Variants in TRPM7 observed in about 807,000 individuals in gnomAD.
TRPM7 encodes the protein transient receptor potential cation channel subfamily M member 7, also known as LTRPC ion channel family member 7.
A neutral mutation model predicts 229.7 loss-of-function variants in TRPM7; 134 were observed. That is an observed-to-expected ratio of 0.58 (90% CI 0.51 to 0.67). TRPM7 has a LOEUF of 0.67. Among genes scored for constraint, TRPM7 ranks in the 30% least tolerant of loss-of-function variants. The probability of loss-of-function intolerance (pLI) is 0.00; values close to 1 mark genes in which losing one functional copy is unlikely to be tolerated. For missense variants in TRPM7, 1,901 were observed against 2,210.0 expected, an observed-to-expected ratio of 0.86 and a Z score of 2.80; for synonymous variants, 699 against 715.2, an observed-to-expected ratio of 0.98 and a Z score of 0.36.
At chr15:50,650,006 C>A (rs1224974192) in intron 3 of TRPM7, among the ~76,000 whole-genome samples, 1 of 151,648 alleles carries the variant, frequency 6.6e-6, no homozygotes, top group African/African-American at 2.4e-5. Flanking sequence ...ACCATCCTGG[C>A]CAACATGGTG....
chr15:50,672,735 C>A (rs1208146331), intron 1 of TRPM7, among the ~76,000 whole-genome samples: 1 of 151,416 alleles, frequency 6.6e-6, no homozygotes, highest in Non-Finnish European at 1.5e-5. Flanking sequence ...TGTGGTGAAA[C>A]CCCATCACTA....
intron 1 of TRPM7, among the ~76,000 whole-genome samples, chr15:50,677,992 C>T (rs1232239362): frequency 6.6e-6 from 1 of 151,894 alleles, no homozygotes; most frequent in Non-Finnish European, 1.5e-5. Flanking sequence ...ATAATCCCAG[C>T]ACTTTGGGAG....
chr15:50,601,542 T>C (rs1338559602), intron 21 of TRPM7, among the ~76,000 whole-genome samples: 2 of 152,138 alleles, frequency 1.3e-5, no homozygotes, highest in African/African-American at 4.8e-5. Flanking sequence ...CTCGGGAGGC[T>C]GAGGCAGAAG....
rs80080401 is a variant in TRPM7, at chr15:50,560,156, A to C, written c.*1522T>G. On this transcript the variant is annotated 3_prime_UTR_variant, in exon 39 of 39. Coordinates refer to ENST00000646667, the MANE Select transcript of TRPM7 (RefSeq NM_017672.6). ...ATTTCTAAGAAGACAGTAAGAAATC[A>C]GTATTAATTTAAACATTGTACAGGA... 1 of 152,212 alleles carries C rather than the reference A, an allele frequency of 6.6e-6. No individual in the cohort carries two copies. The highest frequency in any genetic ancestry group is 1.5e-5 in the Non-Finnish European group (1 of 68,020). 9.4% of individuals were successfully genotyped at this position (152,212 alleles called of 1,614,324 possible). A position where few individuals can be genotyped will look rare whatever the true frequency, so the allele number is the denominator to read the frequency against.
Position 50,672,292 on chromosome 15 carries a change from G to A in TRPM7, c.4-9246C>T, listed in dbSNP as rs192096555. On this transcript the variant is annotated intron_variant, in intron 1 of 38. Transcript: ENST00000646667. ...GTTCTGGATCTCCTGACCTCGTGAC[G>A]TGATCCGCCCACCTTGGCCTCCCAA... Among the ~76,000 whole-genome samples the A allele has an allele frequency of 6.6e-5, 10 of 151,980 alleles. No homozygotes were observed. The East Asian group carries it at 7.8e-4, about 12-fold the overall frequency.
At chr15:50,612,506 T>C (rs1295575606) in intron 16 of TRPM7, 43 bp downstream of exon 16, 1 of 1,578,052 alleles carries the variant, frequency 6.3e-7, no homozygotes, top group Admixed American at 1.8e-5. Flanking sequence ...CAATACCTAC[T>C]TTGAATTTTT....
At chr15:50,686,458 G>C (rs1176847742) in intron 1 of TRPM7, 73 bp downstream of exon 1, 24 of 1,612,796 alleles carry the variant, frequency 1.5e-5, no homozygotes, top group African/African-American at 4.0e-5. Flanking sequence ...CCACACACTT[G>C]CCTGCCAAGT....
In TRPM7 at chr15:50,593,741, A is replaced by G. The variant is rs1172720686; in HGVS notation, c.3484T>C (p.Leu1162=). ...AGTTTCTTTTGATCTTCTTCTGTTA[A>G]GAAAAGTTCTATGGGAGGAAAAGGA... ...DKTSDGPKLF[L]TEEDQKKLHD... The change falls in exon 25 of 39, where the codon TTA becomes CTA. Residue 1162 remains leucine (L), a synonymous_variant. Coordinates refer to ENST00000646667, the MANE Select transcript of TRPM7 (RefSeq NM_017672.6). The G allele has an allele frequency of 6.2e-7, 1 of 1,608,400 alleles. No homozygotes were observed. The highest frequency in any genetic ancestry group is 8.5e-7 in the Non-Finnish European group (1 of 1,178,556).
intron 1 of TRPM7, among the ~76,000 whole-genome samples, chr15:50,677,266 G>A (rs1467058705): frequency 6.6e-6 from 1 of 151,920 alleles, no homozygotes; most frequent in Non-Finnish European, 1.5e-5. Context: ...ATCAGACCCA[G>A]GGCCCCACCC....
At chr15:50,573,988 C>G (rs1318095782) in intron 36 of TRPM7, among the ~76,000 whole-genome samples, 1 of 146,978 alleles carries the variant, frequency 6.8e-6, no homozygotes, top group Non-Finnish European at 1.5e-5. Context: ...ATCCGGGAGG[C>G]GGAAGTTGCA....
intron 28 of TRPM7, among the ~76,000 whole-genome samples, chr15:50,584,941 T>A (rs1280408260): frequency 1.3e-5 from 2 of 152,160 alleles, no homozygotes; most frequent in Non-Finnish European, 2.9e-5. Context: ...AGTCGCGCTA[T>A]CTTGGCTCAC....
intron 1 of TRPM7, among the ~76,000 whole-genome samples, chr15:50,669,969 G>A (rs1567118383): frequency 6.6e-6 from 1 of 152,150 alleles, no homozygotes; most frequent in Non-Finnish European, 1.5e-5. Context: ...CATTGCTGTT[G>A]TACTCTTTGT....
In TRPM7 at chr15:50,560,459, A is replaced by G. The variant is rs1419582576; in HGVS notation, c.*1219T>C. 6.6e-6 allele frequency: 1 copy of G among 152,580 alleles called. No homozygotes were observed. The highest frequency in any genetic ancestry group is 1.5e-5 in the Non-Finnish European group (1 of 68,022). 9.5% of individuals were successfully genotyped at this position (152,580 alleles called of 1,614,324 possible). On this transcript the variant is annotated 3_prime_UTR_variant, in exon 39 of 39. Coordinates refer to ENST00000646667, the MANE Select transcript of TRPM7 (RefSeq NM_017672.6). Reference sequence around the variant, plus strand: ...TGCCTTGTCTGTATCTATGAGATACACTACTAAATACAAATAAGCTTTATA... The same window carrying G: ...TGCCTTGTCTGTATCTATGAGATACGCTACTAAATACAAATAAGCTTTATA...
intron 2 of TRPM7, among the ~76,000 whole-genome samples, chr15:50,659,192 C>G (rs1390046415): frequency 1.0e-5 from 1 of 99,212 alleles, no homozygotes; most frequent in Admixed American, 1.2e-4. Flanking sequence ...GACTCCGTCT[C>G]AAAAAAAAAA....
At chr15:50,671,907 C>T (rs750097034) in intron 1 of TRPM7, among the ~76,000 whole-genome samples, 1 of 152,164 alleles carries the variant, frequency 6.6e-6, no homozygotes, top group Non-Finnish European at 1.5e-5. Flanking sequence ...AACAAACCTG[C>T]ACTGCCAGTT....
intron 3 of TRPM7, among the ~76,000 whole-genome samples, chr15:50,655,079 C>A (rs1469681329): frequency 4.0e-5 from 5 of 126,356 alleles, no homozygotes; most frequent in Admixed American, 1.7e-4. Flanking sequence ...TAAGAGTGAA[C>A]CTGAAGACAT....
In TRPM7 at chr15:50,619,758, C is replaced by T. The variant is rs369155770; in HGVS notation, c.1481G>A (p.Arg494Gln). The T allele has an allele frequency of 4.4e-6, 7 of 1,595,392 alleles. No individual in the cohort carries two copies. Among genetic ancestry groups the T allele is most frequent in the East Asian group, 2.3e-5 (1 of 44,096 alleles). The change falls in exon 13 of 39, where the codon CGA (arginine) becomes CAA (glutamine). Residue 494 changes from arginine to glutamine, a missense_variant. Arg to Gln is a conservative substitution (Grantham distance 43). Coordinates refer to ENST00000646667, the MANE Select transcript of TRPM7 (RefSeq NM_017672.6). ...PTNPMLFHLV[R>Q]DVKQGNLPPG... The stretch of plus-strand genomic sequence containing the variant: ...ATAATCTCTTACCTGTTTGACGTCT[C>T]GAACAAGATGAAACAGCATTGGATT...
intron 38 of TRPM7, among the ~76,000 whole-genome samples, chr15:50,564,268 TAA>T (rs1315584319): frequency 9.0e-5 from 5 of 55,584 alleles, no homozygotes; most frequent in Admixed American, 2.6e-4. Context: ...TAAAATAAAA[TAA>T]AATAAAATAA....
intron 23 of TRPM7, among the ~76,000 whole-genome samples, chr15:50,594,963 A>G (rs1427075099): frequency 6.6e-6 from 1 of 152,194 alleles, no homozygotes; most frequent in African/African-American, 2.4e-5. Context: ...GCACTTTGGA[A>G]GGCCAAGAGG....
Sources: allele counts gnomAD v4.1 joint callset (sites outside exome capture counted in the v4.1 genomes callset), GRCh38; gene constraint gnomAD v4.1.1; transcripts MANE v1.5; gene names NCBI Gene and HGNC (gene_info 2026-07-23, HGNC 2026-07-21).